The following IDH2 variants were observed in gnomAD, a reference collection of about 807,000 sequenced individuals.
IDH2 encodes isocitrate dehydrogenase [NADP], mitochondrial.
IDH2 carries 18 observed loss-of-function variants against 50.5 expected under a neutral mutation model. That is an observed-to-expected ratio of 0.36 (90% CI 0.25 to 0.53). The LOEUF (loss-of-function observed/expected upper bound fraction) is 0.53, where lower values mean the gene tolerates loss of function less well. IDH2 is among the 20% of genes least tolerant of loss of function. IDH2 has a pLI of 0.92. For missense variants in IDH2, 518 were observed against 610.7 expected (o/e 0.85, Z 1.60); for synonymous variants, 280 against 239.8 (o/e 1.17, Z -1.55).
chr15:90,090,957 A>G (rs1160192331), intron 2 of IDH2, among the ~76,000 whole-genome samples: 1 of 152,220 alleles, frequency 6.6e-6, no homozygotes, highest in Non-Finnish European at 1.5e-5. Flanking sequence ...CCCAACCCCA[A>G]GTACATCTAG....
chr15:90,096,813 C>G (rs887187675), intron 1 of IDH2, among the ~76,000 whole-genome samples: 4 of 151,974 alleles, frequency 2.6e-5, no homozygotes, highest in Middle Eastern at 3.4e-3. Flanking sequence ...ACTGGGGAGG[C>G]TGAGGCAGGA....
intron 5 of IDH2, among the ~76,000 whole-genome samples, chr15:90,087,832 C>CT (rs544957075): frequency 0.059 from 4,537 of 77,550 alleles, 309 homozygotes; most frequent in African/African-American, 0.21. Context: ...TTGGAAACAA[C>CT]TTTTTTTTGG....
At chr15:90,086,526 T>A (rs914069657) in intron 7 of IDH2, among the ~76,000 whole-genome samples, 1 of 152,146 alleles carries the variant, frequency 6.6e-6, no homozygotes, top group Non-Finnish European at 1.5e-5. Context: ...CTCAAGTAGC[T>A]GGGATTACAG....
intron 1 of IDH2, among the ~76,000 whole-genome samples, chr15:90,095,712 T>C (rs926333995): frequency 6.6e-6 from 1 of 152,214 alleles, no homozygotes; most frequent in African/African-American, 2.4e-5. Context: ...CCCACTGGGA[T>C]ACTGAAATGC....
rs928357667 is a variant in IDH2, at chr15:90,098,382, C to G, written c.115+3894G>C. The stretch of plus-strand genomic sequence containing the variant: ...CAGGCATAACTGCTCCCTCCACATT[C>G]CTACCCATGCTCTCAGCAGAAAGGC... On this transcript the variant is annotated intron_variant, in intron 1 of 10. Coordinates refer to ENST00000330062, the MANE Select transcript of IDH2 (RefSeq NM_002168.4). This position sits in a 1 kb window ranked among gnomAD's most constrained non-coding sequence, Gnocchi z 5.1. 6.6e-6 allele frequency among the ~76,000 whole-genome samples: 1 copy of G among 152,220 alleles called. No homozygotes were observed. The highest frequency in any genetic ancestry group is 2.4e-5 in the African/African-American group (1 of 41,436).
rs1323870321 is a variant in IDH2 at position 90,083,745 on chromosome 15, G to C, written c.*521C>G. 2.5e-5 allele frequency: 5 copies of C among 197,480 alleles called. No individual in the cohort carries two copies. Among genetic ancestry groups the C allele is most frequent in the Non-Finnish European group, 5.3e-5 (5 of 93,612 alleles). The allele number at this position is 197,480 out of a possible 1,614,324, so 12.2% of individuals were successfully genotyped here. On this transcript the variant is annotated 3_prime_UTR_variant, in exon 11 of 11. Coordinates refer to ENST00000330062, the MANE Select transcript of IDH2 (RefSeq NM_002168.4). ...GAATGGAGAACTGGACACAGAAACT[G>C]GATCATGCTAGAAAATTCCAGGGAA...
intron 1 of IDH2, among the ~76,000 whole-genome samples, chr15:90,096,305 A>T (rs1183249471): frequency 6.6e-6 from 1 of 152,170 alleles, no homozygotes; most frequent in Non-Finnish European, 1.5e-5. Context: ...CTCAAAATAA[A>T]TAAATAAATA....
chr15:90,098,667 C>G lies in IDH2; in HGVS notation c.115+3609G>C, dbSNP rs766005106. Among the ~76,000 whole-genome samples, 2 of 71,532 alleles carry G rather than the reference C, an allele frequency of 2.8e-5. No homozygotes were observed. Among genetic ancestry groups the G allele is most frequent in the East Asian group, 5.5e-4 (2 of 3,616 alleles). 46.9% of individuals were successfully genotyped at this position (71,532 alleles called of 152,430 possible). On this transcript the variant is annotated intron_variant, in intron 1 of 10. Transcript: ENST00000330062. This position sits in a 1 kb window ranked among gnomAD's most constrained non-coding sequence, Gnocchi z 5.1. ...TCAGGCAATTCTCCTGCCTCAGCCC[C>G]TGAGTAGCTGGGACTACAGGCGCCT...
rs779287375 is a variant in IDH2 at position 90,090,501 on chromosome 15, G to A, written c.351C>T (p.Thr117=). ...CACCTTCCACACGGGCCTCATCAGG[G>A]GTGATGGTGGCACACTTGACAGCCA... ...YSVAVKCATI[T]PDEARVEEFK... Residue 117 remains threonine (T), a synonymous_variant, in exon 3 of 11, where the codon ACC becomes ACT. Coordinates refer to ENST00000330062, the MANE Select transcript of IDH2 (RefSeq NM_002168.4). The A allele has an allele frequency of 6.2e-7, 1 of 1,613,852 alleles. No individual in the cohort carries two copies. The highest frequency in any genetic ancestry group is 1.3e-5 in the African/African-American group (1 of 75,030).
rs1017198990 is a variant in IDH2, at chr15:90,100,213, CA to C, written c.115+2062del. ...TGCTGGTATTTTTAACATGGGTTTA[CA>C]GAGTATAAACCCCAGGGAAGGCCAC... On this transcript the variant is annotated intron_variant, in intron 1 of 10. Coordinates refer to ENST00000330062, the MANE Select transcript of IDH2 (RefSeq NM_002168.4). This position sits in a 1 kb window ranked among gnomAD's most constrained non-coding sequence, Gnocchi z 4.1. 2.6e-5 allele frequency among the ~76,000 whole-genome samples: 4 copies of C among 152,182 alleles called. No homozygotes were observed. Among genetic ancestry groups the C allele is most frequent in the African/African-American group, 9.7e-5 (4 of 41,424 alleles).
intron 1 of IDH2, among the ~76,000 whole-genome samples, chr15:90,094,524 G>C (rs934106157): frequency 9.2e-5 from 14 of 152,186 alleles, no homozygotes; most frequent in Admixed American, 5.2e-4. Context: ...GTTACACACA[G>C]TCCTTAGAGA....
chr15:90,094,196 A>T (rs1463420868), intron 1 of IDH2, among the ~76,000 whole-genome samples: 1 of 152,126 alleles, frequency 6.6e-6, no homozygotes, highest in Admixed American at 6.5e-5. Flanking sequence ...ACGCTACTGA[A>T]GGAGAGTCTG....
chr15:90,083,950 T>TC lies in IDH2; in HGVS notation c.*315dup. 7 of 451,058 alleles carry TC rather than the reference T, an allele frequency of 1.6e-5. No homozygotes were observed. The South Asian group carries it at 1.6e-4, about 10-fold the overall frequency. The allele number at this position is 451,058 out of a possible 1,614,324, so 27.9% of individuals were successfully genotyped here. A position where few individuals can be genotyped will look rare whatever the true frequency, so the allele number is the denominator to read the frequency against. On this transcript the variant is annotated 3_prime_UTR_variant, in exon 11 of 11. Transcript: ENST00000330062. ...TCTGCCTCAGGGTCCCACTACCTCCTCCCCTCAGGGACAAACACAGCAGAC... is the reference window on the plus strand; with the variant it reads ...TCTGCCTCAGGGTCCCACTACCTCCTCCCCCTCAGGGACAAACACAGCAGAC...
Position 90,084,178 on chromosome 15 carries a change from G to T in IDH2, c.*88C>A. The T allele has an allele frequency of 1.0e-6, 1 of 1,001,750 alleles. No homozygotes were observed. 62.1% of individuals were successfully genotyped at this position (1,001,750 alleles called of 1,614,324 possible). On this transcript the variant is annotated 3_prime_UTR_variant, in exon 11 of 11. Coordinates refer to ENST00000330062, the MANE Select transcript of IDH2 (RefSeq NM_002168.4). The surrounding 1 kb of genome is among the most constrained non-coding windows in gnomAD (Gnocchi z 5.0). ...TCCCCTAGAAAGGCCTCCAGAGAGG[G>T]GCTGTGAGGCTCACCCTCTGCCGCG...
intron 1 of IDH2, among the ~76,000 whole-genome samples, chr15:90,096,648 C>T (rs1901187980): frequency 6.6e-6 from 1 of 152,274 alleles, no homozygotes; most frequent in African/African-American, 2.4e-5. Flanking sequence ...GGCACGGTGG[C>T]TCGCACCTGT....
At chr15:90,090,107 G>A (rs1900993093) in intron 3 of IDH2, among the ~76,000 whole-genome samples, 1 of 150,336 alleles carries the variant, frequency 6.7e-6, no homozygotes, top group African/African-American at 2.5e-5. Flanking sequence ...CTCCTCCTCA[G>A]CCCTGTCACC....
Position 90,084,766 on chromosome 15 carries a change from G to C in IDH2, c.1271+50C>G. The C allele has an allele frequency of 1.3e-6, 2 of 1,484,016 alleles. No homozygotes were observed. Among genetic ancestry groups the C allele is most frequent in the East Asian group, 2.3e-5 (1 of 44,304 alleles). The allele number at this position is 1,484,016 out of a possible 1,614,324, so 91.9% of individuals were successfully genotyped here. On this transcript the variant is annotated intron_variant, in intron 10 of 10. Transcript: ENST00000330062. The surrounding 1 kb of genome is among the most constrained non-coding windows in gnomAD (Gnocchi z 5.0). ...GGGGGACTTTAGGAGGGGTCCCCTG[G>C]CTTCCTCCCACATGGCCCCAGGGTC...
chr15:90,097,743 G>A (rs1901219570), intron 1 of IDH2, among the ~76,000 whole-genome samples: 1 of 152,170 alleles, frequency 6.6e-6, no homozygotes, highest in South Asian at 2.1e-4. Context: ...GTGATGGATG[G>A]TGGTAATGTC....
At chr15:90,099,351 GA>G (rs947365972) in intron 1 of IDH2, among the ~76,000 whole-genome samples, 2 of 152,044 alleles carry the variant, frequency 1.3e-5, no homozygotes, top group Non-Finnish European at 2.9e-5. Flanking sequence ...CCCCAATACC[GA>G]AAATGGCCTG....
Sources: allele counts gnomAD v4.1 joint callset (sites outside exome capture counted in the v4.1 genomes callset), GRCh38; gene constraint gnomAD v4.1.1; non-coding constraint Gnocchi (gnomAD v3.1); transcripts MANE v1.5; gene names NCBI Gene and HGNC (gene_info 2026-07-23, HGNC 2026-07-21).